NCOA7: variants seen among roughly 807,000 people sequenced by gnomAD.
The protein encoded by NCOA7 is 140 kDa estrogen receptor-associated protein.
A neutral mutation model predicts 104.3 loss-of-function variants in NCOA7; 45 were observed. The observed-to-expected ratio is 0.43, with a 90% CI of 0.34 to 0.55. The LOEUF (loss-of-function observed/expected upper bound fraction) is 0.55. Among genes scored for constraint, NCOA7 ranks in the 20% least tolerant of loss-of-function variants. NCOA7 has a pLI of 0.02. For missense variants in NCOA7, 1,041 were observed against 1,119.7 expected (o/e 0.93, Z 1.00); for synonymous variants, 398 against 402.3 (o/e 0.99, Z 0.13).
In NCOA7 at chr6:125,889,348, A is replaced by G; in HGVS notation, c.1294A>G (p.Lys432Glu). 2 of 1,614,118 alleles carry G rather than the reference A, an allele frequency of 1.2e-6. No individual in the cohort carries two copies. Among genetic ancestry groups the G allele is most frequent in the Non-Finnish European group, 1.7e-6 (2 of 1,179,990 alleles). The change falls in exon 9 of 16, where the codon AAA becomes GAA. Residue 432 changes from lysine (K) to glutamate (E), a missense_variant. Transcript: ENST00000392477. ...TTCTCAAACTGGTGGTGGAATGCAC[A>G]AAAAAGACACCTTGAAGGAGTGCCT... Reference protein sequence around the residue: ...LSSQTGGGMHKKDTLKECLSL... With the variant: ...LSSQTGGGMHEKDTLKECLSL...
chr6:125,861,304 T>C (rs1782030172), intron 3 of NCOA7, among the ~76,000 whole-genome samples: 1 of 152,094 alleles, frequency 6.6e-6, no homozygotes, highest in Non-Finnish European at 1.5e-5. Flanking sequence ...TTTTCCTAAC[T>C]ACACATGTGA....
At chr6:125,926,030 G>C (rs1339925662) in intron 13 of NCOA7, among the ~76,000 whole-genome samples, 2 of 151,972 alleles carry the variant, frequency 1.3e-5, no homozygotes, top group South Asian at 2.1e-4. Context: ...TAGCTAAAAG[G>C]CCAGGTGTGG....
intron 15 of NCOA7, 78 bp downstream of exon 15, chr6:125,928,325 T>A: frequency 7.6e-7 from 1 of 1,310,168 alleles, no homozygotes; most frequent in Non-Finnish European, 1.1e-6. Context: ...ACCTACGTAG[T>A]TAAAACTTCG....
At chr6:125,876,108 C>A (rs112098527) in intron 4 of NCOA7, among the ~76,000 whole-genome samples, 9 of 152,264 alleles carry the variant, frequency 5.9e-5, no homozygotes, top group Middle Eastern at 3.4e-3. Flanking sequence ...TTGTATTTTC[C>A]TAATGTGTAC....
chr6:125,890,330 C>T (rs1784538181), intron 9 of NCOA7, among the ~76,000 whole-genome samples: 1 of 152,160 alleles, frequency 6.6e-6, no homozygotes, highest in Non-Finnish European at 1.5e-5. Flanking sequence ...ATATTGTGTT[C>T]TCAGTAGCAT....
At chr6:125,783,993 C>T (rs1450417537) in intron 1 of NCOA7, among the ~76,000 whole-genome samples, 1 of 152,018 alleles carries the variant, frequency 6.6e-6, no homozygotes, top group Non-Finnish European at 1.5e-5. Context: ...CTGCTGTTAC[C>T]AAAGTACAGC....
Position 125,885,308 on chromosome 6 carries a change from C to T in NCOA7, c.849C>T (p.Asp283=). The T allele has an allele frequency of 6.2e-7, 1 of 1,613,844 alleles. No individual in the cohort carries two copies. The highest frequency in any genetic ancestry group is 8.5e-7 in the Non-Finnish European group (1 of 1,179,842). The part of the protein sequence containing the change: ...EEVVSIALYN[D]ISHMKIKDAL... ...TTGTTTCCATTGCGCTCTACAATGA[C>T]ATTTCTCACATGAAGATCAAAGATG... The change falls in exon 8 of 16, where the codon GAC becomes GAT. Residue 283 remains aspartate, a synonymous_variant. Transcript: ENST00000392477.
chr6:125,875,031 C>T (rs1783243490), intron 4 of NCOA7, 63 bp downstream of exon 4: 1 of 1,206,378 alleles, frequency 8.3e-7, no homozygotes, highest in Admixed American at 1.7e-5. Flanking sequence ...AATGGTTTTC[C>T]CTGACACATC....
chr6:125,927,273 A>C (rs367838237), intron 13 of NCOA7, among the ~76,000 whole-genome samples: 48 of 152,338 alleles, frequency 3.2e-4, no homozygotes, highest in African/African-American at 1.1e-3. Context: ...GTGTTGTCCC[A>C]AGCACTCATT....
At chr6:125,890,123 A>G in intron 9 of NCOA7, 142 bp downstream of exon 9, 2 of 611,754 alleles carry the variant, frequency 3.3e-6, no homozygotes, top group Middle Eastern at 4.7e-4. Flanking sequence ...AGCATTAACA[A>G]TTGGGGAGAA....
At chr6:125,873,246 C>T (rs375249027) in intron 3 of NCOA7, among the ~76,000 whole-genome samples, 1 of 152,144 alleles carries the variant, frequency 6.6e-6, no homozygotes, top group Non-Finnish European at 1.5e-5. Context: ...TGGTCCAAGC[C>T]GGGCTTCTTG....
chr6:125,788,647 T>C (rs1329720424), upstream of NCOA7, among the ~76,000 whole-genome samples: 1 of 151,126 alleles, frequency 6.6e-6, no homozygotes, highest in Non-Finnish European at 1.5e-5. Context: ...GTGAATCTCC[T>C]GCCTCAGCCT....
intron 1 of NCOA7, chr6:125,798,160 T>C (rs1408925862): frequency 6.6e-6 from 1 of 152,180 alleles, no homozygotes; most frequent in African/African-American, 2.4e-5. Flanking sequence ...CTTCTCTGAG[T>C]ATATCCTAAG....
chr6:125,915,225 A>G (rs1053442584), intron 10 of NCOA7, 108 bp from the exon 11 acceptor site: 2 of 1,369,398 alleles, frequency 1.5e-6, no homozygotes, highest in African/African-American at 2.9e-5. Context: ...AAATTAGTAA[A>G]ATGGATTTGC....
intron 5 of NCOA7, 35 bp from the exon 6 acceptor site, chr6:125,881,055 C>T: frequency 7.3e-7 from 1 of 1,374,976 alleles, no homozygotes; most frequent in Non-Finnish European, 1.0e-6. Context: ...TGCCTGGTTG[C>T]TGGTACTCAC....
At chr6:125,797,980 A>G (rs1562771741) in intron 1 of NCOA7, 1 of 152,236 alleles carries the variant, frequency 6.6e-6, no homozygotes, top group Admixed American at 6.5e-5. Context: ...GATGGCCAAG[A>G]CATGAAAATA....
At chr6:125,796,018 C>G (rs1256882066) in intron 1 of NCOA7, among the ~76,000 whole-genome samples, 1 of 152,050 alleles carries the variant, frequency 6.6e-6, no homozygotes, top group Non-Finnish European at 1.5e-5. Flanking sequence ...CATGCTGTTC[C>G]CTCTGCTTGG....
chr6:125,843,857 G>A (rs584032), intron 2 of NCOA7, among the ~76,000 whole-genome samples: 69,758 of 152,058 alleles, frequency 0.46, 16,313 homozygotes, highest in African/African-American at 0.53. Context: ...GGGGCAATGT[G>A]TACATTCAAC....
intron 10 of NCOA7, among the ~76,000 whole-genome samples, chr6:125,902,117 A>G (rs987908144): frequency 6.5e-4 from 99 of 151,638 alleles, no homozygotes; most frequent in African/African-American, 1.9e-3. Flanking sequence ...ATTTGGGGGG[A>G]AAAACGGGGA....
Sources: gnomAD v4.1 joint callset for allele counts (sites outside exome capture counted in the v4.1 genomes callset) on GRCh38, gnomAD v4.1.1 for gene constraint, MANE v1.5 for transcripts, NCBI Gene and HGNC (gene_info 2026-07-23, HGNC 2026-07-21) for gene names.